The following SENP5 variants were observed in gnomAD, a reference collection of about 807,000 sequenced individuals.
The protein encoded by SENP5 is SUMO specific peptidase 5.
Under a neutral mutation model 74.2 loss-of-function variants are expected in SENP5, and 21 were observed. That is an observed-to-expected ratio of 0.28 (90% CI 0.20 to 0.41). The LOEUF (loss-of-function observed/expected upper bound fraction) is 0.41. Among genes scored for constraint, SENP5 ranks in the 10% least tolerant of loss-of-function variants. The probability of loss-of-function intolerance (pLI) is 1.00; values close to 1 mark genes in which losing one functional copy is unlikely to be tolerated. For missense variants in SENP5, 717 were observed against 889.1 expected, an observed-to-expected ratio of 0.81 and a Z score of 2.46; for synonymous variants, 311 against 312.7, an observed-to-expected ratio of 0.99 and a Z score of 0.06.
intron 1 of SENP5, among the ~76,000 whole-genome samples, chr3:196,879,680 G>A (rs1713637510): frequency 6.6e-6 from 1 of 152,082 alleles, no homozygotes; most frequent in Non-Finnish European, 1.5e-5. Flanking sequence ...ATATTTGCCA[G>A]AGTACCTTCT....
At chr3:196,891,257 A>G (rs1224103769) in intron 2 of SENP5, among the ~76,000 whole-genome samples, 2 of 152,240 alleles carry the variant, frequency 1.3e-5, no homozygotes, top group African/African-American at 2.4e-5. Context: ...ATAGAGATAT[A>G]AAGTAGATTA....
chr3:196,910,690 C>G (rs1477451901), intron 6 of SENP5, among the ~76,000 whole-genome samples: 1 of 152,020 alleles, frequency 6.6e-6, no homozygotes, highest in Non-Finnish European at 1.5e-5. Context: ...ATCAAACTAC[C>G]ATTGGCATTC....
chr3:196,876,899 T>TA (rs1488380879), intron 1 of SENP5, among the ~76,000 whole-genome samples: 8 of 152,142 alleles, frequency 5.3e-5, no homozygotes, highest in Admixed American at 5.2e-4. Flanking sequence ...AAGACAAAAT[T>TA]ACATTTTGAT....
At chr3:196,907,514 C>T (rs1045428841) in intron 6 of SENP5, among the ~76,000 whole-genome samples, 1 of 149,872 alleles carries the variant, frequency 6.7e-6, no homozygotes, top group Admixed American at 6.7e-5. Flanking sequence ...GGAAAAATTA[C>T]AAGCAGTGTG....
chr3:196,900,690 A>G (rs755932983), intron 5 of SENP5, among the ~76,000 whole-genome samples: 3 of 151,952 alleles, frequency 2.0e-5, no homozygotes, highest in Non-Finnish European at 4.4e-5. Context: ...GGTTCAAGCG[A>G]TTCTCCTGTC....
At chr3:196,880,954 ATT>A (rs34410948) in intron 1 of SENP5, among the ~76,000 whole-genome samples, 2 of 146,326 alleles carry the variant, frequency 1.4e-5, no homozygotes. Flanking sequence ...TTCCTTTTTT[ATT>A]TTTTTTTTGA....
chr3:196,869,214 G>T (rs1577783421), intron 1 of SENP5, among the ~76,000 whole-genome samples: 1 of 151,720 alleles, frequency 6.6e-6, no homozygotes, highest in East Asian at 2.0e-4. Flanking sequence ...TTTTTTTTTG[G>T]AGGGGGGACA....
intron 8 of SENP5, chr3:196,929,326 A>G (rs1715937988): frequency 7.3e-6 from 2 of 273,806 alleles, no homozygotes; most frequent in African/African-American, 4.6e-5. Context: ...TTTTGACTCC[A>G]CTGTCAATGA....
chr3:196,928,043 C>T (rs959764545), intron 8 of SENP5, among the ~76,000 whole-genome samples, 164 bp downstream of exon 8: 29 of 152,156 alleles, frequency 1.9e-4, no homozygotes, highest in African/African-American at 6.5e-4. Flanking sequence ...TATTCATCAT[C>T]GCTGCTCAGT....
At chr3:196,870,051 G>A (rs559182318) in intron 1 of SENP5, among the ~76,000 whole-genome samples, 1 of 152,132 alleles carries the variant, frequency 6.6e-6, no homozygotes, top group African/African-American at 2.4e-5. Context: ...GTTTGAGAAC[G>A]GGGTTCTGTG....
At chr3:196,914,586 A>AAAAAATATATATATATATAT in intron 6 of SENP5, 3 of 33,496 alleles carry the variant, frequency 9.0e-5, no homozygotes, top group Admixed American at 3.1e-4. Flanking sequence ...AAAAAAAAAA[A>AAAAAATATATATATATATAT]ATATATATAT....
At chr3:196,910,745 A>T (rs1715089898) in intron 6 of SENP5, among the ~76,000 whole-genome samples, 1 of 152,138 alleles carries the variant, frequency 6.6e-6, no homozygotes, top group South Asian at 2.1e-4. Context: ...TATGGAAACA[A>T]AAAAGAGCCT....
chr3:196,886,480 T>G lies in SENP5; in HGVS notation c.1299T>G (p.Ala433=). ...TAGATGGGCCTGTGTCCCAAAAGGC[T>G]GTTCAAAATGAGAACTCATACCAGA... ...SSVDGPVSQK[A]VQNENSYQME... is the part of the protein sequence containing the mutation. Residue 433 remains alanine (A), a synonymous_variant, in exon 2 of 10, where the codon GCT becomes GCG. Coordinates refer to ENST00000323460, the MANE Select transcript of SENP5 (RefSeq NM_152699.5). The G allele has an allele frequency of 6.2e-7, 1 of 1,611,194 alleles. No individual in the cohort carries two copies.
At chr3:196,914,577 AAAAAAAAAAAT>A in intron 6 of SENP5, 1 of 96,348 alleles carries the variant, frequency 1.0e-5, no homozygotes, top group African/African-American at 4.4e-5. Context: ...AAAAAAAAAA[AAAAAAAAAAAT>A]ATATATATAT....
chr3:196,886,788 C>G (rs886201191), intron 2 of SENP5, 94 bp downstream of exon 2: 2 of 1,019,698 alleles, frequency 2.0e-6, no homozygotes, highest in African/African-American at 3.3e-5. Flanking sequence ...TTCTCCCACT[C>G]ATGAATATTT....
chr3:196,904,334 A>G (rs1714816464), intron 6 of SENP5, among the ~76,000 whole-genome samples: 1 of 152,236 alleles, frequency 6.6e-6, no homozygotes, highest in Non-Finnish European at 1.5e-5. Flanking sequence ...GAGCATTCCC[A>G]GTAGATGGAA....
intron 1 of SENP5, among the ~76,000 whole-genome samples, chr3:196,884,777 A>C (rs547397322): frequency 6.6e-6 from 1 of 151,824 alleles, no homozygotes; most frequent in African/African-American, 2.4e-5. Flanking sequence ...GGTTCAAGCA[A>C]TTCTCCTGCC....
At chr3:196,914,939 A>G (rs1461004445) in intron 6 of SENP5, among the ~76,000 whole-genome samples, 1 of 152,120 alleles carries the variant, frequency 6.6e-6, no homozygotes, top group East Asian at 1.9e-4. Context: ...GAGGAAGAGC[A>G]AAATGATTGT....
At chr3:196,927,748 A>G (rs1715872470) in intron 7 of SENP5, 48 bp from the exon 8 acceptor site, 1 of 1,165,956 alleles carries the variant, frequency 8.6e-7, no homozygotes, top group Admixed American at 1.8e-5. Context: ...TCCATTTTTC[A>G]CCAACTGATG....
Sources: gnomAD v4.1 joint callset for allele counts (sites outside exome capture counted in the v4.1 genomes callset) on GRCh38, gnomAD v4.1.1 for gene constraint, MANE v1.5 for transcripts, NCBI Gene and HGNC (gene_info 2026-07-23, HGNC 2026-07-21) for gene names.